Variants in AKAP6 observed in about 807,000 individuals in gnomAD.
AKAP6 encodes the protein A-kinase anchoring protein 6.
In AKAP6, 58 loss-of-function variants were observed where a neutral mutation model predicts 188.5. The ratio of observed to expected loss-of-function variants is 0.31; its 90% CI spans 0.25 to 0.38. The LOEUF (loss-of-function observed/expected upper bound fraction) is 0.38. Ranked by LOEUF, AKAP6 falls within the 10% of genes least tolerant of loss-of-function variation. The pLI is 1.00. For missense variants in AKAP6, 2,710 were observed against 2,740.0 expected (o/e 0.99, Z 0.24); for synonymous variants, 989 against 998.6 (o/e 0.99, Z 0.18).
chr14:32,607,161 T>G (rs1038898209), intron 7 of AKAP6, among the ~76,000 whole-genome samples: 1 of 152,304 alleles, frequency 6.6e-6, no homozygotes, highest in Middle Eastern at 3.4e-3. Context: ...TAATATTTTC[T>G]TAGAATAGAA....
At chr14:32,431,821 C>T (rs1890236386) in intron 1 of AKAP6, among the ~76,000 whole-genome samples, 1 of 152,142 alleles carries the variant, frequency 6.6e-6, no homozygotes. Context: ...GCCTTCTCCT[C>T]ACCATTGAAT....
chr14:32,343,042 A>G (rs576208074), intron 1 of AKAP6, among the ~76,000 whole-genome samples: 1 of 152,328 alleles, frequency 6.6e-6, no homozygotes, highest in Admixed American at 6.5e-5. Flanking sequence ...TTGAGAATTT[A>G]AAAGACCTTT....
intron 12 of AKAP6, among the ~76,000 whole-genome samples, chr14:32,810,215 ATT>A (rs1161679989): frequency 6.6e-6 from 1 of 150,820 alleles, no homozygotes; most frequent in Non-Finnish European, 1.5e-5. Context: ...TTTGCAAAGA[ATT>A]TTAGGAGATT....
At chr14:32,366,636 CT>C in intron 1 of AKAP6, among the ~76,000 whole-genome samples, 1 of 152,230 alleles carries the variant, frequency 6.6e-6, no homozygotes, top group African/African-American at 2.4e-5. Flanking sequence ...TGCTGTGCTT[CT>C]TTTCTAACTA....
chr14:32,379,045 A>C (rs1888254913), intron 1 of AKAP6, among the ~76,000 whole-genome samples: 1 of 150,326 alleles, frequency 6.7e-6, no homozygotes, highest in African/African-American at 2.5e-5. Context: ...CAGCCTCTGG[A>C]GTTGCTGGGA....
intron 2 of AKAP6, among the ~76,000 whole-genome samples, chr14:32,523,724 T>A (rs1190717184): frequency 6.8e-6 from 1 of 146,776 alleles, no homozygotes; most frequent in East Asian, 2.1e-4. Context: ...GGCCTCAGCC[T>A]CTCAAAGTGC....
At chr14:32,680,453 A>G (rs761667217) in intron 8 of AKAP6, among the ~76,000 whole-genome samples, 10 of 152,158 alleles carry the variant, frequency 6.6e-5, no homozygotes, top group Non-Finnish European at 1.3e-4. Flanking sequence ...TGATACATAA[A>G]CTTCATTAAT....
chr14:32,379,178 C>T (rs1428119874), intron 1 of AKAP6, among the ~76,000 whole-genome samples: 1 of 152,066 alleles, frequency 6.6e-6, no homozygotes, highest in African/African-American at 2.4e-5. Context: ...CCTTGGCCTC[C>T]CAAAGTGCTG....
At chr14:32,770,802 A>T (rs886461382) in intron 11 of AKAP6, among the ~76,000 whole-genome samples, 26 of 152,184 alleles carry the variant, frequency 1.7e-4, no homozygotes, top group African/African-American at 6.0e-4. Context: ...TAGACTCTCA[A>T]CTCCTTGAGG....
chr14:32,524,337 G>A lies in AKAP6; in HGVS notation c.325-11217G>A, dbSNP rs148219338. Among the ~76,000 whole-genome samples the A allele has an allele frequency of 4.1e-3, 622 of 152,256 alleles. 17 individuals carry two copies. The highest frequency in any genetic ancestry group is 0.037 in the East Asian group (190 of 5,182). On this transcript the variant is annotated intron_variant, in intron 2 of 13. Transcript: ENST00000280979. ...GGGGACAGGCGGAAGCAGTTCTGGG[G>A]TGGGGATGGCTGGTAAAGTTCTAAA...
chr14:32,461,310 A>C, intron 2 of AKAP6, among the ~76,000 whole-genome samples: 1 of 152,224 alleles, frequency 6.6e-6, no homozygotes, highest in African/African-American at 2.4e-5. Context: ...GGTCAAAGAC[A>C]CCTCATTCAG....
chr14:32,706,293 A>G (rs988575173), intron 9 of AKAP6, among the ~76,000 whole-genome samples: 9 of 152,194 alleles, frequency 5.9e-5, no homozygotes, highest in African/African-American at 1.9e-4. Context: ...AAAAGATGAT[A>G]GACTTGGGTT....
rs141300076 is a variant in AKAP6 at position 32,516,125 on chromosome 14, A to G, written c.325-19429A>G. On this transcript the variant is annotated intron_variant, in intron 2 of 13. Transcript: ENST00000280979. ...AGCATTAGAGTTGAGTTTCTTTGGT[A>G]TATCATTGATGACTATCTTCAGTGA... 3.9e-5 allele frequency among the ~76,000 whole-genome samples: 6 copies of G among 152,316 alleles called. No individual in the cohort carries two copies. The East Asian group carries it at 1.2e-3, about 29-fold the overall frequency.
At chr14:32,599,269 A>G (rs147470453) in intron 5 of AKAP6, 141 bp from the exon 6 acceptor site, 7 of 610,832 alleles carry the variant, frequency 1.1e-5, no homozygotes, top group Non-Finnish European at 2.0e-5. Flanking sequence ...AAATATCAAT[A>G]GCTTTTAGTA....
chr14:32,358,684 T>G lies in AKAP6; in HGVS notation c.-35+29276T>G, dbSNP rs546796470. On this transcript the variant is annotated intron_variant, in intron 1 of 13. Transcript: ENST00000280979. ...GATACGTGCAGGTTGTAGATGGGCT[T>G]GCTTACTTTGGAGCTCGGGTGGTGG... Among the ~76,000 whole-genome samples, 4 of 152,232 alleles carry G rather than the reference T, an allele frequency of 2.6e-5. No homozygotes were observed. In the East Asian group the frequency reaches 7.7e-4, roughly 29 times the overall value.
At chr14:32,828,506 ATCTCTCTC>A (rs3032470) in intron 13 of AKAP6, among the ~76,000 whole-genome samples, 2 of 141,290 alleles carry the variant, frequency 1.4e-5, no homozygotes, top group Admixed American at 7.1e-5. Flanking sequence ...CCTATCATCT[ATCTCTCTC>A]TCTCTCTCTC....
At chr14:32,786,025 A>C (rs1314517513) in intron 12 of AKAP6, among the ~76,000 whole-genome samples, 4 of 152,126 alleles carry the variant, frequency 2.6e-5, no homozygotes, top group African/African-American at 9.7e-5. Context: ...TTTTTTAGGA[A>C]AATGTTCTGG....
intron 1 of AKAP6, among the ~76,000 whole-genome samples, chr14:32,427,647 A>G (rs1006413532): frequency 2.6e-5 from 4 of 152,174 alleles, no homozygotes; most frequent in African/African-American, 9.6e-5. Context: ...AATCATATAC[A>G]GGGTACACCT....
chr14:32,353,270 T>TA (rs1399475894), intron 1 of AKAP6, among the ~76,000 whole-genome samples: 16 of 152,166 alleles, frequency 1.1e-4, no homozygotes, highest in African/African-American at 3.9e-4. Flanking sequence ...TTGTTAAAAG[T>TA]ATGGCTTTTT....
Sources: gnomAD v4.1 joint callset for allele counts (sites outside exome capture counted in the v4.1 genomes callset) on GRCh38, gnomAD v4.1.1 for gene constraint, MANE v1.5 for transcripts, NCBI Gene and HGNC (gene_info 2026-07-23, HGNC 2026-07-21) for gene names.